Variants in DDX3X observed in about 807,000 individuals in gnomAD.
DDX3X encodes DEAD-box helicase 3 X-linked.
In DDX3X, 4 loss-of-function variants were observed where a neutral mutation model predicts 52.7. The observed-to-expected ratio is 0.08, with a 90% CI of 0.04 to 0.17. DDX3X has a LOEUF of 0.17. Among genes scored for constraint, DDX3X ranks in the 10% least tolerant of loss-of-function variants. DDX3X has a pLI of 1.00. For synonymous variants in DDX3X, 192 were observed against 178.1 expected, an observed-to-expected ratio of 1.08 and a Z score of -0.62; for missense variants, 222 against 548.6, an observed-to-expected ratio of 0.40 and a Z score of 5.95.
intron 15 of DDX3X, 53 bp downstream of exon 15, chrX:41,347,065 T>C (rs2063935243): frequency 2.7e-6 from 3 of 1,112,992 alleles, no homozygotes; most frequent in Non-Finnish European, 1.2e-6. Context: ...TTACAGTTCA[T>C]AGTGTTTCCT....
chrX:41,357,736 T>TA (rs2064014721), intron 5 of DDX3X: 1 of 282,496 alleles, frequency 3.5e-6, no homozygotes, highest in South Asian at 2.4e-4. Flanking sequence ...GCGTGCAGCC[T>TA]AAATTTATTT....
At chrX:41,354,629 C>T (rs930357925), downstream of DDX3X, among the ~76,000 whole-genome samples, 2 of 110,246 alleles carry the variant, frequency 1.8e-5, no homozygotes, top group Non-Finnish European at 3.8e-5. Flanking sequence ...CAGCTTGCTA[C>T]CTCTTTTTAA....
At position 41,347,401 on chromosome X, in the gene DDX3X, G is replaced by A; in HGVS notation, c.1859G>A (p.Ser620Asn). 1 of 1,211,816 alleles carries A rather than the reference G, an allele frequency of 8.3e-7. No individual in the cohort carries two copies. Among genetic ancestry groups the A allele is most frequent in the Non-Finnish European group, 1.1e-6 (1 of 895,401 alleles). ...SSSFSSSRAS[S>N]SRSGGGGHGS... ...AGCTTCAGCAGCAGCCGCGCAAGCA[G>A]CAGCCGCAGTGGCGGAGGTGGCCAC... The change falls in exon 16 of 17, where the codon AGC (serine) becomes AAC (asparagine). Residue 620 changes from serine to asparagine, a missense_variant. Around this residue, in one of 5 missense-constraint regions of DDX3X, gnomAD observed 38 missense variants for 52.0 expected, o/e 0.73. Coordinates refer to ENST00000644876, the MANE Select transcript of DDX3X (RefSeq NM_001356.5).
intron 1 of DDX3X, chrX:41,334,571 G>C: frequency 6.4e-6 from 7 of 1,086,130 alleles, no homozygotes; most frequent in Non-Finnish European, 7.2e-6. Context: ...GAGGAAGTGC[G>C]CGCGCTCTCG....
At position 41,335,731 on chromosome X, in the gene DDX3X, G is replaced by A. The variant is rs753011104; in HGVS notation, c.45+1434G>A. 5 of 112,024 alleles carry A rather than the reference G, an allele frequency of 4.5e-5. No individual in the cohort carries two copies. The Admixed American group carries it at 4.7e-4, about 11-fold the overall frequency. 9.2% of individuals were successfully genotyped at this position (112,024 alleles called of 1,213,427 possible). ...TTTTAGGAATTGATCTGTTCCTTTG[G>A]AAGCATTTTCTACCCGTTAATGAAC... On this transcript the variant is annotated intron_variant, in intron 1 of 16. Coordinates refer to ENST00000644876, the MANE Select transcript of DDX3X (RefSeq NM_001356.5).
At chrX:41,357,742 T>G (rs184968686) in intron 5 of DDX3X, 1 of 288,073 alleles carries the variant, frequency 3.5e-6, no homozygotes. Flanking sequence ...AGCCTAAATT[T>G]ATTTTTATGT....
chrX:41,347,305 C>G lies in DDX3X; in HGVS notation c.1770-7C>G, dbSNP rs760672775. On this transcript the variant is annotated splice_polypyrimidine_tract_variant and splice_region_variant and intron_variant, in intron 15 of 16. Coordinates refer to ENST00000644876, the MANE Select transcript of DDX3X (RefSeq NM_001356.5). ...TCATGTGAACCAACATAATTTTTTT[C>G]TTATAGTAGCAGATTTAGTGGAGGG... 8.4e-7 allele frequency: 1 copy of G among 1,196,540 alleles called. No individual in the cohort carries two copies. The highest frequency in any genetic ancestry group is 1.8e-5 in the South Asian group (1 of 55,335).
intron 1 of DDX3X, 27 bp downstream of exon 1, chrX:41,334,324 G>A: frequency 8.3e-7 from 1 of 1,207,242 alleles, no homozygotes. Context: ...CCACCGGGCT[G>A]GCTGCTGCGT....
chrX:41,341,536 G>A lies in DDX3X; in HGVS notation c.204G>A (p.Ala68=), dbSNP rs745731184. The A allele has an allele frequency of 1.2e-5, 14 of 1,204,906 alleles. No homozygotes were observed. Among genetic ancestry groups the A allele is most frequent in the Non-Finnish European group, 1.2e-5 (11 of 890,495 alleles). The part of the protein sequence containing the change: ...SGWSSSKDKD[A]YSSFGSRSDS... ...GGAGTTCTAGCAAAGATAAGGATGC[G>A]TATAGCAGTTTTGGATCTCGTAGTG... The change falls in exon 4 of 17, where the codon GCG becomes GCA. Residue 68 remains alanine (A), a synonymous_variant. Transcript: ENST00000644876.
At chrX:41,354,963 G>T (rs911169456), downstream of DDX3X, among the ~76,000 whole-genome samples, 6 of 109,481 alleles carry the variant, frequency 5.5e-5, no homozygotes, top group African/African-American at 2.0e-4. Context: ...TGGGATTACA[G>T]GTGCATGACA....
chrX:41,339,016 A>G lies in DDX3X; in HGVS notation c.104-20A>G, dbSNP rs1332231721. On this transcript the variant is annotated intron_variant, in intron 2 of 16. Coordinates refer to ENST00000644876, the MANE Select transcript of DDX3X (RefSeq NM_001356.5). ...TTTTTTGGCATTTAATTAATTTTATATATATATATATTTTTTTAGAAGGGC... is the reference window on the plus strand; with the variant it reads ...TTTTTTGGCATTTAATTAATTTTATGTATATATATATTTTTTTAGAAGGGC... 3 of 775,457 alleles carry G rather than the reference A, an allele frequency of 3.9e-6. No homozygotes were observed. Among genetic ancestry groups the G allele is most frequent in the Non-Finnish European group, 5.1e-6 (3 of 589,445 alleles). The allele number at this position is 775,457 out of a possible 1,213,427, so 63.9% of individuals were successfully genotyped here.
At chrX:41,352,708 A>T (rs1385197920), downstream of DDX3X, among the ~76,000 whole-genome samples, 1 of 111,460 alleles carries the variant, frequency 9.0e-6, no homozygotes, top group Non-Finnish European at 1.9e-5. Flanking sequence ...AAATGATTCT[A>T]GGGCAACTCT....
At chrX:41,351,260 T>A (rs1404677437), downstream of DDX3X, 1 of 111,745 alleles carries the variant, frequency 8.9e-6, no homozygotes, top group Non-Finnish European at 1.9e-5. Flanking sequence ...TTATTTCTAG[T>A]CTAGCATGGT....
intron 5 of DDX3X, among the ~76,000 whole-genome samples, chrX:41,363,191 C>T (rs753897995): frequency 5.4e-5 from 6 of 111,316 alleles, no homozygotes; most frequent in South Asian, 3.7e-4. Context: ...TTTGGGAGGC[C>T]GAGGCAGTGG....
intron 10 of DDX3X, 75 bp downstream of exon 10, chrX:41,344,474 G>A: frequency 8.8e-7 from 1 of 1,138,919 alleles, no homozygotes; most frequent in Non-Finnish European, 1.2e-6. Flanking sequence ...TTGCGCTCTT[G>A]TTGCCCAGGC....
Position 41,346,428 on chromosome X carries a change from T to C in DDX3X, c.1497+18T>C, listed in dbSNP as rs112884433. On this transcript the variant is annotated intron_variant, in intron 13 of 16. Coordinates refer to ENST00000644876, the MANE Select transcript of DDX3X (RefSeq NM_001356.5). The stretch of plus-strand genomic sequence containing the variant: ...CTACAGCAGTATGTATAAACATCTT[T>C]CTTTTATTCAAATTGAGCATGTTCA... 1 of 1,201,188 alleles carries C rather than the reference T, an allele frequency of 8.3e-7. No homozygotes were observed. Among genetic ancestry groups the C allele is most frequent in the Non-Finnish European group, 1.1e-6 (1 of 889,534 alleles).
At chrX:41,346,457 ATTTG>A (rs1555954211) in intron 13 of DDX3X, 44 bp from the exon 14 acceptor site, 1 of 1,194,720 alleles carries the variant, frequency 8.4e-7, no homozygotes, top group Non-Finnish European at 1.1e-6. Flanking sequence ...ATGTTCAAGT[ATTTG>A]TTTTCTTTTA....
Position 41,347,767 on chromosome X carries a change from C to T in DDX3X, c.*48C>T. The T allele has an allele frequency of 2.3e-6, 2 of 865,673 alleles. No homozygotes were observed. Among genetic ancestry groups the T allele is most frequent in the Non-Finnish European group, 3.3e-6 (2 of 598,739 alleles). 71.3% of individuals were successfully genotyped at this position (865,673 alleles called of 1,213,427 possible). ...CTGCCAAACAAGCTAATATGGAAACCACATGTAACTTAGCCAGACTATACC... is the reference window on the plus strand; with the variant it reads ...CTGCCAAACAAGCTAATATGGAAACTACATGTAACTTAGCCAGACTATACC... On this transcript the variant is annotated 3_prime_UTR_variant, in exon 17 of 17. Coordinates refer to ENST00000644876, the MANE Select transcript of DDX3X (RefSeq NM_001356.5).
rs910642089 is a variant in DDX3X, at chrX:41,338,177, A to T, written c.103+712A>T. 9.9e-5 allele frequency: 11 copies of T among 110,750 alleles called. No homozygotes were observed. In the South Asian group the frequency reaches 3.5e-3, roughly 35 times the overall value. The allele number at this position is 110,750 out of a possible 1,213,427, so 9.1% of individuals were successfully genotyped here. A position where few individuals can be genotyped will look rare whatever the true frequency, so the allele number is the denominator to read the frequency against. On this transcript the variant is annotated intron_variant, in intron 2 of 16. Transcript: ENST00000644876. ...AGATAGGGGATCTTGGTGGTTTATT[A>T]TAAGGGCAATAGACCCTTATTTTTA... is the stretch of plus-strand genomic sequence containing the variant.
Sources: allele counts gnomAD v4.1 joint callset (sites outside exome capture counted in the v4.1 genomes callset), GRCh38; gene constraint gnomAD v4.1.1; regional missense constraint gnomAD v4.1.1; transcripts MANE v1.5; gene names NCBI Gene and HGNC (gene_info 2026-07-23, HGNC 2026-07-21).